Variants in GRM5 observed in about 807,000 individuals in gnomAD.
GRM5 encodes the protein glutamate metabotropic receptor 5.
In GRM5, 19 loss-of-function variants were observed where a neutral mutation model predicts 83.1. The ratio of observed to expected loss-of-function variants is 0.23; its 90% CI spans 0.16 to 0.34. GRM5 has a LOEUF of 0.34. Among genes scored for constraint, GRM5 ranks in the 10% least tolerant of loss-of-function variants. The probability of loss-of-function intolerance (pLI) is 1.00; values close to 1 mark genes in which losing one functional copy is unlikely to be tolerated. For synonymous variants in GRM5, 675 were observed against 633.6 expected, an observed-to-expected ratio of 1.07 and a Z score of -0.98; for missense variants, 1,160 against 1,588.3, an observed-to-expected ratio of 0.73 and a Z score of 4.58.
chr11:88,805,190 T>C (rs1565239456), intron 3 of GRM5, among the ~76,000 whole-genome samples: 2 of 152,152 alleles, frequency 1.3e-5, no homozygotes, highest in South Asian at 2.1e-4. Flanking sequence ...TTTTAATTTA[T>C]TTTATTTATT....
intron 8 of GRM5, among the ~76,000 whole-genome samples, chr11:88,531,820 A>T (rs1032064323): frequency 3.3e-5 from 5 of 152,212 alleles, no homozygotes; most frequent in African/African-American, 1.2e-4. Flanking sequence ...GTCTTAAAAA[A>T]TAATTTTCTT....
At chr11:88,573,042 G>A (rs550167211) in intron 7 of GRM5, among the ~76,000 whole-genome samples, 19 of 151,966 alleles carry the variant, frequency 1.3e-4, no homozygotes, top group South Asian at 4.2e-4. Flanking sequence ...AGAAAACTGC[G>A]GTCCATTTTC....
chr11:88,975,488 C>G (rs1939303717), intron 2 of GRM5, among the ~76,000 whole-genome samples: 1 of 152,156 alleles, frequency 6.6e-6, no homozygotes, highest in Non-Finnish European at 1.5e-5. Flanking sequence ...TTCTAACAAA[C>G]TCTCACATCA....
intron 2 of GRM5, among the ~76,000 whole-genome samples, chr11:88,911,006 G>A (rs186606427): frequency 6.6e-6 from 1 of 152,062 alleles, no homozygotes; most frequent in Non-Finnish European, 1.5e-5. Flanking sequence ...TTATTGAAAT[G>A]CTCTAAAATA....
At chr11:88,687,260 G>C (rs538761540) in intron 3 of GRM5, among the ~76,000 whole-genome samples, 6 of 151,390 alleles carry the variant, frequency 4.0e-5, no homozygotes, top group African/African-American at 1.5e-4. Flanking sequence ...GGATCATGAA[G>C]TCAGGAGACA....
chr11:88,829,224 G>A (rs1590891150), intron 3 of GRM5, among the ~76,000 whole-genome samples: 1 of 152,210 alleles, frequency 6.6e-6, no homozygotes, highest in Non-Finnish European at 1.5e-5. Context: ...GCTTTGGGAG[G>A]ACAAGGCAGG....
intron 2 of GRM5, among the ~76,000 whole-genome samples, chr11:89,006,255 G>C (rs565853851): frequency 2.0e-5 from 3 of 152,282 alleles, no homozygotes; most frequent in Admixed American, 6.5e-5. Context: ...TCAAAGTACT[G>C]ATCTGAAAAG....
At chr11:88,891,568 T>C (rs1350402658) in intron 2 of GRM5, among the ~76,000 whole-genome samples, 3 of 118,298 alleles carry the variant, frequency 2.5e-5, no homozygotes, top group South Asian at 6.5e-4. Context: ...ATAATACCAA[T>C]ATATGTTCCA....
intron 7 of GRM5, among the ~76,000 whole-genome samples, chr11:88,572,882 T>A (rs1943032571): frequency 6.6e-6 from 1 of 152,192 alleles, no homozygotes; most frequent in Non-Finnish European, 1.5e-5. Flanking sequence ...ATGAATTTAA[T>A]CAATTTAGCA....
chr11:88,731,166 T>C (rs1018790935), intron 3 of GRM5, among the ~76,000 whole-genome samples: 14 of 152,078 alleles, frequency 9.2e-5, no homozygotes, highest in Admixed American at 7.9e-4. Flanking sequence ...TCCTTTATGA[T>C]ACACACTTAT....
chr11:88,663,690 G>T (rs1939963103), intron 3 of GRM5, among the ~76,000 whole-genome samples: 1 of 151,982 alleles, frequency 6.6e-6, no homozygotes, highest in Non-Finnish European at 1.5e-5. Context: ...TTTATCAGTG[G>T]GACTAGTGCT....
intron 2 of GRM5, among the ~76,000 whole-genome samples, chr11:89,015,000 A>G (rs940459552): frequency 2.6e-5 from 4 of 152,218 alleles, no homozygotes; most frequent in African/African-American, 9.6e-5. Flanking sequence ...CCCTATTTAG[A>G]ACCATAGCTT....
intron 7 of GRM5, among the ~76,000 whole-genome samples, chr11:88,577,399 ACC>A (rs1381311427): frequency 6.6e-6 from 1 of 152,116 alleles, no homozygotes; most frequent in African/African-American, 2.4e-5. Context: ...GCCTCATCCC[ACC>A]CATTAAAGAG....
chr11:88,582,550 C>T (rs1280457791), intron 7 of GRM5, among the ~76,000 whole-genome samples: 1 of 152,100 alleles, frequency 6.6e-6, no homozygotes, highest in Non-Finnish European at 1.5e-5. Flanking sequence ...AGCTAGATAG[C>T]AGAATTCTGA....
intron 3 of GRM5, among the ~76,000 whole-genome samples, chr11:88,713,226 C>A (rs1293241174): frequency 6.6e-6 from 1 of 151,936 alleles, no homozygotes. Flanking sequence ...GCTAAGGGGT[C>A]TCTAAATAAA....
At chr11:88,962,383 T>G (rs570338915) in intron 2 of GRM5, among the ~76,000 whole-genome samples, 10 of 152,306 alleles carry the variant, frequency 6.6e-5, no homozygotes, top group Admixed American at 6.5e-4. Context: ...CACCACTCTC[T>G]TCATGCATTC....
intron 8 of GRM5, among the ~76,000 whole-genome samples, chr11:88,526,206 C>A (rs774929818): frequency 2.0e-4 from 30 of 152,102 alleles, no homozygotes; most frequent in Admixed American, 5.2e-4. Flanking sequence ...TTGAAGATAC[C>A]AGATATTTCA....
chr11:88,827,096 A>G (rs1943906270), intron 3 of GRM5, among the ~76,000 whole-genome samples: 1 of 152,148 alleles, frequency 6.6e-6, no homozygotes, highest in African/African-American at 2.4e-5. Context: ...ACAAATGACA[A>G]ATGTGTTTAT....
At chr11:88,596,073 A>G (rs1937796261) in intron 6 of GRM5, among the ~76,000 whole-genome samples, 1 of 152,124 alleles carries the variant, frequency 6.6e-6, no homozygotes, top group South Asian at 2.1e-4. Context: ...AAACTAACCA[A>G]TCGCTTTTTC....
Sources: allele counts gnomAD v4.1 joint callset (sites outside exome capture counted in the v4.1 genomes callset), GRCh38; gene constraint gnomAD v4.1.1; transcripts MANE v1.5; gene names NCBI Gene and HGNC (gene_info 2026-07-23, HGNC 2026-07-21).